The following NAF1 variants were observed in gnomAD, a reference collection of about 807,000 sequenced individuals.
NAF1 encodes nuclear assembly factor 1 ribonucleoprotein, also known as H/ACA ribonucleoprotein complex non-core subunit NAF1.
NAF1 carries 11 observed loss-of-function variants against 40.6 expected under a neutral mutation model. The ratio of observed to expected loss-of-function variants is 0.27; its 90% confidence interval spans 0.17 to 0.45. The LOEUF (loss-of-function observed/expected upper bound fraction) is 0.45, where lower values mean the gene tolerates loss of function less well. Ranked by LOEUF, NAF1 falls within the 20% of genes least tolerant of loss-of-function variation. The probability of loss-of-function intolerance (pLI) is 1.00; values close to 1 mark genes in which losing one functional copy is unlikely to be tolerated. For synonymous variants in NAF1, 260 were observed against 228.5 expected (o/e 1.14, Z -1.24); for missense variants, 607 against 611.1 (o/e 0.99, Z 0.07).
intron 2 of NAF1, 61 bp downstream of exon 2, chr4:163,164,156 T>C (rs1258243767): frequency 7.1e-7 from 1 of 1,415,178 alleles, no homozygotes; most frequent in Non-Finnish European, 9.2e-7. Flanking sequence ...ATTAGATCAA[T>C]ACTGGTACCA....
intron 2 of NAF1, among the ~76,000 whole-genome samples, chr4:163,111,853 G>A (rs1211976276): frequency 2.0e-5 from 3 of 152,128 alleles, no homozygotes; most frequent in African/African-American, 7.2e-5. Flanking sequence ...TGATGTCCTG[G>A]AAGCCAAGTG....
At chr4:163,118,703 A>G (rs1730425270) in intron 2 of NAF1, among the ~76,000 whole-genome samples, 1 of 152,232 alleles carries the variant, frequency 6.6e-6, no homozygotes, top group African/African-American at 2.4e-5. Context: ...CAGTGAGCCA[A>G]TATCGCACCA....
chr4:163,121,569 A>C (rs774036310), intron 2 of NAF1, among the ~76,000 whole-genome samples: 1 of 152,308 alleles, frequency 6.6e-6, no homozygotes, highest in African/African-American at 2.4e-5. Context: ...CTTTTTAAAC[A>C]TTTAGACCTC....
chr4:163,126,958 T>C (rs561886553), downstream of NAF1: 11 of 1,545,082 alleles, frequency 7.1e-6, no homozygotes, highest in African/African-American at 9.6e-5. Flanking sequence ...GATATGCACA[T>C]TGGTTTTTTT....
intron 6 of NAF1, among the ~76,000 whole-genome samples, chr4:163,134,445 T>A (rs1484427123): frequency 6.6e-6 from 1 of 152,212 alleles, no homozygotes; most frequent in Non-Finnish European, 1.5e-5. Context: ...TTCCAATGCA[T>A]AATTTCTTAT....
intron 2 of NAF1, among the ~76,000 whole-genome samples, chr4:163,110,516 T>C (rs1465057533): frequency 6.6e-6 from 1 of 152,176 alleles, no homozygotes; most frequent in Non-Finnish European, 1.5e-5. Context: ...CATCCGCTGG[T>C]CTTGGAACAT....
intron 1 of NAF1, 55 bp downstream of exon 1, chr4:163,166,308 C>T (rs1325339802): frequency 2.0e-6 from 3 of 1,514,976 alleles, no homozygotes; most frequent in African/African-American, 2.8e-5. Flanking sequence ...CCCAGCCACC[C>T]CCGCCCGTCA....
Position 163,115,366 on chromosome 4 carries a change from G to A in NAF1, c.115-5076C>T, listed in dbSNP as rs879443308. 2.0e-5 allele frequency among the ~76,000 whole-genome samples: 3 copies of A among 151,670 alleles called. No individual in the cohort carries two copies. In the South Asian group the frequency reaches 6.2e-4, roughly 32 times the overall value. ...TGGGACTACAGGCGCCCACCACCGC[G>A]CCAGGCTAATTTTTTGTATTTTTAG... On this transcript the variant is annotated intron_variant, in intron 2 of 2. Coordinates refer to the NAF1 transcript ENST00000509434.
Position 163,129,665 on chromosome 4 carries a change from C to A in NAF1, c.1034-317G>T, listed in dbSNP as rs942423713. 2.6e-5 allele frequency among the ~76,000 whole-genome samples: 4 copies of A among 152,300 alleles called. No individual in the cohort carries two copies. The South Asian group carries it at 6.2e-4, about 24-fold the overall frequency. The stretch of plus-strand genomic sequence containing the variant: ...ATCCTAGACTTCTATCCTTGACAGG[C>A]AGTAATGAGGTACTCCAACCCTTCC... On this transcript the variant is annotated intron_variant, in intron 7 of 7. Coordinates refer to ENST00000274054, the MANE Select transcript of NAF1 (RefSeq NM_138386.3).
intron 2 of NAF1, among the ~76,000 whole-genome samples, chr4:163,162,473 TCA>T (rs1300459270): frequency 6.6e-6 from 1 of 152,216 alleles, no homozygotes; most frequent in Non-Finnish European, 1.5e-5. Flanking sequence ...ATTGAAATGG[TCA>T]CAGAGAGGAA....
At chr4:163,145,676 G>A in intron 4 of NAF1, 106 bp downstream of exon 4, 1 of 711,966 alleles carries the variant, frequency 1.4e-6, no homozygotes, top group Non-Finnish European at 2.4e-6. Flanking sequence ...GCTCTAGATT[G>A]TCCATCAATT....
chr4:163,127,976 C>A (rs1730717990), downstream of NAF1, among the ~76,000 whole-genome samples: 1 of 152,152 alleles, frequency 6.6e-6, no homozygotes, highest in African/African-American at 2.4e-5. Context: ...TTATTTTAAC[C>A]TCTTTGGAAC....
intron 4 of NAF1, 34 bp from the exon 5 acceptor site, chr4:163,140,417 G>GTAAATGT: frequency 6.5e-7 from 1 of 1,536,954 alleles, no homozygotes; most frequent in Non-Finnish European, 8.8e-7. Flanking sequence ...CTTTTAACAT[G>GTAAATGT]TAAAATAACT....
chr4:163,127,046 A>C (rs1332811663), downstream of NAF1: 2 of 1,551,598 alleles, frequency 1.3e-6, no homozygotes, highest in Admixed American at 2.0e-5. Flanking sequence ...GAAACCAAAA[A>C]GTTTGTGTGA....
intron 2 of NAF1, among the ~76,000 whole-genome samples, chr4:163,163,076 A>G (rs1455666500): frequency 1.3e-5 from 2 of 152,336 alleles, no homozygotes; most frequent in East Asian, 3.9e-4. Context: ...TTATATTCTA[A>G]TAAGGAAATT....
At position 163,113,527 on chromosome 4, in the gene NAF1, G is replaced by T. The variant is rs1038056130; in HGVS notation, c.115-3237C>A. ...GAGATGCATCCACAATGCTGCATTT[G>T]TAAGTTCAGCCGCCCACAGGATCAG... On this transcript the variant is annotated intron_variant, in intron 2 of 2. Transcript: ENST00000509434. 5.3e-5 allele frequency among the ~76,000 whole-genome samples: 8 copies of T among 152,060 alleles called. No individual in the cohort carries two copies. In the East Asian group the frequency reaches 1.4e-3, roughly 26 times the overall value.
At chr4:163,121,202 A>G (rs1730509316) in intron 2 of NAF1, among the ~76,000 whole-genome samples, 1 of 151,974 alleles carries the variant, frequency 6.6e-6, no homozygotes, top group Non-Finnish European at 1.5e-5. Flanking sequence ...GATAGGTAAT[A>G]TTAAGGGAAT....
chr4:163,142,399 T>C (rs186427488), intron 4 of NAF1, among the ~76,000 whole-genome samples: 28 of 152,358 alleles, frequency 1.8e-4, no homozygotes, highest in African/African-American at 6.5e-4. Flanking sequence ...CAGGGATTTG[T>C]TTCCTAGATA....
intron 2 of NAF1, among the ~76,000 whole-genome samples, chr4:163,152,862 G>T (rs1027829232): frequency 2.0e-5 from 3 of 152,354 alleles, no homozygotes; most frequent in Admixed American, 6.5e-5. Context: ...GCGCGAGCGG[G>T]AACCGGGGCT....
Sources: allele counts gnomAD v4.1 joint callset (sites outside exome capture counted in the v4.1 genomes callset), GRCh38; gene constraint gnomAD v4.1.1; transcripts MANE v1.5; gene names NCBI Gene and HGNC (gene_info 2026-07-23, HGNC 2026-07-21).